Variants in IFI35 observed in about 807,000 individuals in gnomAD.
The protein encoded by IFI35 is interferon-induced 35 kDa protein.
IFI35 carries 30 observed loss-of-function variants against 28.6 expected under a neutral mutation model. The observed-to-expected ratio is 1.05, with a 90% CI of 0.79 to 1.43. IFI35 has a LOEUF of 1.43. Among genes scored for constraint, IFI35 ranks in the 40% most tolerant of loss-of-function variants. The pLI, the probability that IFI35 is intolerant of heterozygous loss-of-function variation, is 0.00. For missense variants in IFI35, 372 were observed against 356.9 expected (o/e 1.04, Z -0.34); for synonymous variants, 146 against 154.8 (o/e 0.94, Z 0.42).
In IFI35 at chr17:43,014,434, C is replaced by T. The variant is rs1181651938; in HGVS notation, c.*135C>T. ...ACACATTGCAAAACACTGCCCAGAA[C>T]AGTAAAAAGAGCCTGCATGCCATGA... On this transcript the variant is annotated 3_prime_UTR_variant, in exon 7 of 7. Coordinates refer to ENST00000415816, the MANE Select transcript of IFI35 (RefSeq NM_001330230.2). 3 of 511,182 alleles carry T rather than the reference C, an allele frequency of 5.9e-6. No individual in the cohort carries two copies. The highest frequency in any genetic ancestry group is 2.0e-5 in the African/African-American group (1 of 50,090). 31.7% of individuals were successfully genotyped at this position (511,182 alleles called of 1,614,324 possible).
At position 43,014,236 on chromosome 17, in the gene IFI35, G is replaced by C; in HGVS notation, c.798G>C (p.Glu266Asp). ...QKPTRGGGEV[E>D]ALTVVPQGQQ... is the part of the protein sequence containing the mutation. ...CCACCCGCGGGGGCGGGGAGGTAGA[G>C]GCCCTGACAGTCGTACCCCAAGGAC... The change falls in exon 7 of 7, where the codon GAG (glutamate) becomes GAC (aspartate). Residue 266 changes from glutamate to aspartate, a missense_variant. Physicochemically the swap from Glu to Asp is conservative, Grantham distance 45. Coordinates refer to ENST00000415816, the MANE Select transcript of IFI35 (RefSeq NM_001330230.2). The C allele has an allele frequency of 6.2e-7, 1 of 1,611,350 alleles. No individual in the cohort carries two copies. Among genetic ancestry groups the C allele is most frequent in the Non-Finnish European group, 8.5e-7 (1 of 1,178,752 alleles).
chr17:43,012,467 G>A (rs1400370627), intron 2 of IFI35, 190 bp downstream of exon 2: 7 of 422,216 alleles, frequency 1.7e-5, no homozygotes, highest in African/African-American at 6.2e-5. Context: ...TAGGCCGGGC[G>A]CAGTGGCTCA....
chr17:43,007,563 T>C (rs2050418980), intron 1 of IFI35, among the ~76,000 whole-genome samples: 1 of 150,784 alleles, frequency 6.6e-6, no homozygotes, highest in Non-Finnish European at 1.5e-5. Flanking sequence ...GGCTCACACC[T>C]GTAATCCCAG....
At chr17:43,008,406 T>C (rs1255310115) in intron 1 of IFI35, among the ~76,000 whole-genome samples, 1 of 136,800 alleles carries the variant, frequency 7.3e-6, no homozygotes, top group Non-Finnish European at 1.5e-5. Context: ...TGAAGTGCAA[T>C]AGCATGATCT....
At chr17:43,012,756 G>A (rs996497406) in intron 2 of IFI35, 7 of 397,544 alleles carry the variant, frequency 1.8e-5, no homozygotes, top group Non-Finnish European at 2.3e-5. Context: ...ACAAAAAAGA[G>A]CTGGGGAGTT....
intron 2 of IFI35, 186 bp from the exon 3 acceptor site, chr17:43,012,861 C>A (rs1390986380): frequency 1.5e-6 from 1 of 655,464 alleles, no homozygotes; most frequent in East Asian, 2.6e-5. Context: ...CCTCCCAGGA[C>A]AAATTAAGAT....
At chr17:43,011,965 T>A (rs963813839) in intron 1 of IFI35, 1 of 391,730 alleles carries the variant, frequency 2.6e-6, no homozygotes, top group Admixed American at 4.1e-5. Flanking sequence ...CTGCAAAGGC[T>A]CCTGCCCTTT....
At chr17:43,009,541 TCAAG>T (rs773838948) in intron 1 of IFI35, among the ~76,000 whole-genome samples, 6 of 151,468 alleles carry the variant, frequency 4.0e-5, no homozygotes, top group Non-Finnish European at 8.8e-5. Flanking sequence ...GATCACGAGG[TCAAG>T]AGATTGAGAC....
rs1001732294 is a variant in IFI35, at chr17:43,012,302, T to C, written c.120+25T>C. ...GGTAAGGTGGGAGATCTGGTGTTGT[T>C]TGGTAAAAACGAGCTGGCGAGGCCG... On this transcript the variant is annotated intron_variant, in intron 2 of 6. Transcript: ENST00000415816. 5 of 1,541,820 alleles carry C rather than the reference T, an allele frequency of 3.2e-6. No homozygotes were observed. The African/African-American group carries it at 6.8e-5, about 21-fold the overall frequency.
At chr17:43,010,036 C>T (rs2050443835) in intron 1 of IFI35, among the ~76,000 whole-genome samples, 1 of 151,624 alleles carries the variant, frequency 6.6e-6, no homozygotes, top group South Asian at 2.1e-4. Flanking sequence ...GAGATCGAGA[C>T]CATCCTGGCT....
intron 1 of IFI35, among the ~76,000 whole-genome samples, chr17:43,008,000 C>T (rs1242529164): frequency 6.6e-6 from 1 of 150,734 alleles, no homozygotes; most frequent in South Asian, 2.1e-4. Context: ...TTATTGCCAA[C>T]CTTTTCAGAA....
intron 1 of IFI35, among the ~76,000 whole-genome samples, chr17:43,010,954 C>A (rs890415380): frequency 1.3e-5 from 2 of 152,184 alleles, no homozygotes; most frequent in Non-Finnish European, 2.9e-5. Context: ...TTATTGGTAT[C>A]CCTGGTGTCA....
At position 43,006,852 on chromosome 17, in the gene IFI35, C is replaced by A; in HGVS notation, c.-96C>A. ...TTGCTGGGGCTGAGAGAGACCACAGCCCTTTGGGGGGTACAAACAAGAGTT... is the reference window on the plus strand; with the variant it reads ...TTGCTGGGGCTGAGAGAGACCACAGACCTTTGGGGGGTACAAACAAGAGTT... On this transcript the variant is annotated 5_prime_UTR_variant, in exon 1 of 7. Transcript: ENST00000415816. 1.5e-6 allele frequency: 2 copies of A among 1,340,354 alleles called. No homozygotes were observed. The highest frequency in any genetic ancestry group is 2.1e-6 in the Non-Finnish European group (2 of 931,422). The allele number at this position is 1,340,354 out of a possible 1,614,324, so 83.0% of individuals were successfully genotyped here.
chr17:43,010,777 G>A (rs556612631), intron 1 of IFI35, among the ~76,000 whole-genome samples: 84 of 152,188 alleles, frequency 5.5e-4, no homozygotes, highest in African/African-American at 1.9e-3. Context: ...CAGTTTTACC[G>A]GACACATATT....
At position 43,013,174 on chromosome 17, in the gene IFI35, T is replaced by C. The variant is rs780428452; in HGVS notation, c.248T>C (p.Ile83Thr). 9.3e-6 allele frequency: 15 copies of C among 1,613,966 alleles called. No individual in the cohort carries two copies. Among genetic ancestry groups the C allele is most frequent in the Non-Finnish European group, 1.2e-5 (14 of 1,180,024 alleles). ...CCTCTGCTTGCGGGCTCTGCTCTGA[T>C]CACCTTTGATGACCCCAAAGGTAAG... ...HCPLLAGSAL[I>T]TFDDPKVAEQ... The change falls in exon 3 of 7, where the codon ATC becomes ACC. Residue 83 changes from isoleucine (I) to threonine (T), a missense_variant. Ile to Thr is a moderately conservative substitution (Grantham distance 89, BLOSUM62 -1). Coordinates refer to ENST00000415816, the MANE Select transcript of IFI35 (RefSeq NM_001330230.2).
chr17:43,012,993 C>G, intron 2 of IFI35, 54 bp from the exon 3 acceptor site: 1 of 1,552,956 alleles, frequency 6.4e-7, no homozygotes. Context: ...ATCGGAGATG[C>G]CTTCCTCCTA....
At chr17:43,008,343 CTTTTTTT>C (rs34285823) in intron 1 of IFI35, among the ~76,000 whole-genome samples, 21 of 89,406 alleles carry the variant, frequency 2.3e-4, no homozygotes, top group Admixed American at 1.2e-4. Flanking sequence ...CTTTTCTTTC[CTTTTTTT>C]TTTTTTTTTT....
chr17:43,012,690 A>G (rs531874831), intron 2 of IFI35: 107 of 267,144 alleles, frequency 4.0e-4, no homozygotes, highest in Non-Finnish European at 6.9e-4. Flanking sequence ...AGCCAAGATC[A>G]TGCCACTACA....
intron 2 of IFI35, 100 bp from the exon 3 acceptor site, chr17:43,012,947 G>GT: frequency 7.9e-7 from 1 of 1,270,550 alleles, no homozygotes; most frequent in Non-Finnish European, 1.1e-6. Flanking sequence ...TTCAGTAAAT[G>GT]TATTTATCTC....
Sources: allele counts gnomAD v4.1 joint callset (sites outside exome capture counted in the v4.1 genomes callset), GRCh38; gene constraint gnomAD v4.1.1; transcripts MANE v1.5; gene names NCBI Gene and HGNC (gene_info 2026-07-23, HGNC 2026-07-21).